FRYL: variants seen among roughly 807,000 people sequenced by gnomAD.
FRYL encodes FRY like transcription coactivator.
FRYL carries 150 observed loss-of-function variants against 351.2 expected under a neutral mutation model. That is an observed-to-expected ratio of 0.43 (90% CI 0.37 to 0.49). The LOEUF (loss-of-function observed/expected upper bound fraction) is 0.49. FRYL is among the 20% of genes least tolerant of loss of function. The pLI, the probability that FRYL is intolerant of heterozygous loss-of-function variation, is 0.00. For missense variants in FRYL, 3,036 were observed against 3,619.3 expected (o/e 0.84, Z 4.13); for synonymous variants, 1,153 against 1,257.1 (o/e 0.92, Z 1.75).
intron 2 of FRYL, among the ~76,000 whole-genome samples, chr4:48,689,882 A>C (rs9993384): frequency 6.6e-6 from 1 of 150,948 alleles, no homozygotes; most frequent in African/African-American, 2.4e-5. Context: ...TAGGTTTTTT[A>C]ATTTCTTTTT....
intron 18 of FRYL, among the ~76,000 whole-genome samples, chr4:48,588,753 C>T (rs1166900745): frequency 6.6e-6 from 1 of 152,158 alleles, no homozygotes; most frequent in African/African-American, 2.4e-5. Flanking sequence ...GTCCCCCACC[C>T]ACCTGTAAGT....
chr4:48,677,722 T>G (rs1050047755), intron 3 of FRYL, among the ~76,000 whole-genome samples: 8 of 152,218 alleles, frequency 5.3e-5, no homozygotes, highest in African/African-American at 1.9e-4. Flanking sequence ...AAAAAATAAC[T>G]TTTTAAATAT....
In FRYL at chr4:48,498,570, G is replaced by A. The variant is rs1718883737; in HGVS notation, c.*852C>T. ...TTAGTTATCAACAATCATAACATAA[G>A]CACTGATCAGAGAACTGAGCAGCAT... is the stretch of plus-strand genomic sequence containing the variant. On this transcript the variant is annotated 3_prime_UTR_variant, in exon 64 of 64. Coordinates refer to ENST00000358350, the MANE Select transcript of FRYL (RefSeq NM_015030.2). 1 of 152,530 alleles carries A rather than the reference G, an allele frequency of 6.6e-6. No individual in the cohort carries two copies. Among genetic ancestry groups the A allele is most frequent in the Non-Finnish European group, 1.5e-5 (1 of 68,022 alleles). The allele number at this position is 152,530 out of a possible 1,614,324, so 9.4% of individuals were successfully genotyped here. A position where few individuals can be genotyped will look rare whatever the true frequency, so the allele number is the denominator to read the frequency against.
intron 2 of FRYL, among the ~76,000 whole-genome samples, chr4:48,695,583 AAATAT>A (rs1241360158): frequency 1.3e-5 from 2 of 152,086 alleles, no homozygotes; most frequent in Non-Finnish European, 2.9e-5. Context: ...CTTTGTCCAT[AAATAT>A]AATAAACTGC....
intron 19 of FRYL, among the ~76,000 whole-genome samples, chr4:48,584,882 A>G (rs1011923443): frequency 6.6e-6 from 1 of 152,218 alleles, no homozygotes; most frequent in Admixed American, 6.5e-5. Context: ...AAGAGAGGAG[A>G]GAATAGAATA....
At position 48,540,010 on chromosome 4, in the gene FRYL, T is replaced by A; in HGVS notation, c.6354A>T (p.Pro2118=). The A allele has an allele frequency of 6.2e-7, 1 of 1,613,334 alleles. No individual in the cohort carries two copies. Among genetic ancestry groups the A allele is most frequent in the Non-Finnish European group, 8.5e-7 (1 of 1,179,620 alleles). ...TAGCTGTTTCTTTGCAAAACTGAGTTGGGCTGTCAAAATGCTGGATTAAGT... is the reference window on the plus strand; with the variant it reads ...TAGCTGTTTCTTTGCAAAACTGAGTAGGGCTGTCAAAATGCTGGATTAAGT... ...LPHLIQHFDS[P]TQFCKETASR... Residue 2118 remains proline (P), a synonymous_variant, in exon 47 of 64, where the codon CCA becomes CCT. Transcript: ENST00000358350.
At chr4:48,511,466 A>G (rs1722456682) in intron 57 of FRYL, among the ~76,000 whole-genome samples, 2 of 152,222 alleles carry the variant, frequency 1.3e-5, no homozygotes, top group South Asian at 2.1e-4. Context: ...ATTCATTTCC[A>G]TAAAACAGAC....
chr4:48,726,550 C>T (rs1178812030), intron 1 of FRYL, among the ~76,000 whole-genome samples: 1 of 152,052 alleles, frequency 6.6e-6, no homozygotes, highest in Non-Finnish European at 1.5e-5. Flanking sequence ...GGCATGGTGG[C>T]GTATGCCTGT....
chr4:48,667,884 G>A (rs796891859), intron 3 of FRYL, among the ~76,000 whole-genome samples: 5 of 152,316 alleles, frequency 3.3e-5, no homozygotes, highest in African/African-American at 9.6e-5. Flanking sequence ...CTGGCCTCAG[G>A]TGATCCACCC....
At chr4:48,758,829 C>A (rs181787850) in intron 1 of FRYL, among the ~76,000 whole-genome samples, 1 of 152,146 alleles carries the variant, frequency 6.6e-6, no homozygotes. Context: ...TTGGAACCAA[C>A]CCAAATGTCC....
chr4:48,595,779 T>C, intron 14 of FRYL, 81 bp from the exon 15 acceptor site: 1 of 1,100,244 alleles, frequency 9.1e-7, no homozygotes, highest in Non-Finnish European at 1.3e-6. Flanking sequence ...TTCTTCATAA[T>C]ATATTGACAG....
intron 1 of FRYL, among the ~76,000 whole-genome samples, chr4:48,758,715 G>T (rs1774083247): frequency 6.6e-6 from 1 of 152,192 alleles, no homozygotes; most frequent in Admixed American, 6.5e-5. Flanking sequence ...ATTTGACCCA[G>T]TCATCCCATT....
chr4:48,555,842 G>A (rs1733990315), intron 35 of FRYL, among the ~76,000 whole-genome samples: 1 of 152,216 alleles, frequency 6.6e-6, no homozygotes, highest in Admixed American at 6.5e-5. Flanking sequence ...GTAAAGCAAA[G>A]CTATCAAGTG....
At position 48,547,680 on chromosome 4, in the gene FRYL, G is replaced by T. The variant is rs781582977; in HGVS notation, c.4978C>A (p.Arg1660=). The T allele has an allele frequency of 1.2e-6, 2 of 1,607,422 alleles. No individual in the cohort carries two copies. Among genetic ancestry groups the T allele is most frequent in the Admixed American group, 1.7e-5 (1 of 59,936 alleles). ...LIVMGPNSNI[R]TVASVLLRNK... is the part of the protein sequence containing the mutation. ...CTGAGAAGGACAGAAGCAACAGTTC[G>T]GATGTTACTATTGGGTCCCATTACT... Residue 1660 remains arginine, a synonymous_variant, in exon 41 of 64, where the codon CGA becomes AGA. Coordinates refer to ENST00000358350, the MANE Select transcript of FRYL (RefSeq NM_015030.2).
intron 44 of FRYL, among the ~76,000 whole-genome samples, chr4:48,542,478 G>A (rs542795813): frequency 4.6e-5 from 7 of 152,176 alleles, no homozygotes; most frequent in Admixed American, 2.6e-4. Flanking sequence ...GTGCAGTGGT[G>A]CAATCTTGGC....
At chr4:48,671,873 C>CAAAAAAAAAAAAAAAAAAAAA (rs71191252) in intron 3 of FRYL, among the ~76,000 whole-genome samples, 14 of 51,840 alleles carry the variant, frequency 2.7e-4, no homozygotes, top group Non-Finnish European at 4.1e-4. Context: ...AAAAAAAAAA[C>CAAAAAAAAAAAAAAAAAAAAA]AAAAAAAAAA....
At chr4:48,614,564 A>C (rs1473727091) in intron 7 of FRYL, among the ~76,000 whole-genome samples, 1 of 151,708 alleles carries the variant, frequency 6.6e-6, no homozygotes, top group Non-Finnish European at 1.5e-5. Flanking sequence ...TCTTCTAAAA[A>C]TACAAAAATT....
chr4:48,621,866 G>T (rs1668847067), intron 5 of FRYL, among the ~76,000 whole-genome samples: 1 of 151,780 alleles, frequency 6.6e-6, no homozygotes, highest in African/African-American at 2.4e-5. Context: ...TCCTTTTATT[G>T]TACATTATCA....
At chr4:48,543,743 T>C (rs1055269941) in intron 44 of FRYL, 64 bp downstream of exon 44, 10 of 1,417,378 alleles carry the variant, frequency 7.1e-6, no homozygotes, top group African/African-American at 1.4e-5. Flanking sequence ...GCAATCTATA[T>C]GGACAATAAA....
Sources: gnomAD v4.1 joint callset for allele counts (sites outside exome capture counted in the v4.1 genomes callset) on GRCh38, gnomAD v4.1.1 for gene constraint, MANE v1.5 for transcripts, NCBI Gene and HGNC (gene_info 2026-07-23, HGNC 2026-07-21) for gene names.